PCDHGA6: variants seen among roughly 807,000 people sequenced by gnomAD.
PCDHGA6 encodes the protein protocadherin gamma subfamily A, 6.
A neutral mutation model predicts 60.6 loss-of-function variants in PCDHGA6; 41 were observed. The observed-to-expected ratio is 0.68, with a 90% CI of 0.53 to 0.88. The LOEUF (loss-of-function observed/expected upper bound fraction) is 0.88, where lower values mean the gene tolerates loss of function less well. Among genes scored for constraint, PCDHGA6 ranks in the 40% least tolerant of loss-of-function variants. PCDHGA6 has a pLI of 0.00. For missense variants in PCDHGA6, 1,312 were observed against 1,203.0 expected, an observed-to-expected ratio of 1.09 and a Z score of -1.34; for synonymous variants, 594 against 524.4, an observed-to-expected ratio of 1.13 and a Z score of -1.81.
At chr5:141,392,957 C>T in intron 1 of PCDHGA6, 1 of 1,613,932 alleles carries the variant, frequency 6.2e-7, no homozygotes, top group Non-Finnish European at 8.5e-7. Flanking sequence ...TGGGTAATAT[C>T]TCCAAGGACC....
chr5:141,487,857 T>A lies in PCDHGA6; in HGVS notation c.2425-6950T>A. Reference sequence around the variant, plus strand: ...TATCTGAGTAAGAAATGAAAGTAATTGGTGATCAAGAGCCAGGCTGTTGTG... The same window carrying A: ...TATCTGAGTAAGAAATGAAAGTAATAGGTGATCAAGAGCCAGGCTGTTGTG... On this transcript the variant is annotated intron_variant, in intron 1 of 3. Coordinates refer to ENST00000517434, the MANE Select transcript of PCDHGA6 (RefSeq NM_018919.3). The surrounding 1 kb of genome is among the most constrained non-coding windows in gnomAD (Gnocchi z 5.0). The A allele has an allele frequency of 1.0e-6, 1 of 964,674 alleles. No individual in the cohort carries two copies. Among genetic ancestry groups the A allele is most frequent in the Non-Finnish European group, 1.5e-6 (1 of 659,920 alleles). 59.8% of individuals were successfully genotyped at this position (964,674 alleles called of 1,614,324 possible). A position where few individuals can be genotyped will look rare whatever the true frequency, so the allele number is the denominator to read the frequency against.
rs2099623857 is a variant in PCDHGA6, at chr5:141,486,060, A to ACC, written c.2425-8744_2425-8743dup. On this transcript the variant is annotated intron_variant, in intron 1 of 3. Transcript: ENST00000517434. This position sits in a 1 kb window ranked among gnomAD's most constrained non-coding sequence, Gnocchi z 5.0. Reference sequence around the variant, plus strand: ...CGTGTAAGAAACCTCTTTAGCCTGCACCCCACTACTGGAAAGCTTACTCTT... The same window carrying ACC: ...CGTGTAAGAAACCTCTTTAGCCTGCACCCCCCACTACTGGAAAGCTTACTCTT... The ACC allele has an allele frequency of 1.2e-6, 2 of 1,613,980 alleles. No homozygotes were observed. The highest frequency in any genetic ancestry group is 1.7e-6 in the Non-Finnish European group (2 of 1,179,980).
At chr5:141,391,562 C>T (rs927673920) in intron 1 of PCDHGA6, 2 of 152,064 alleles carry the variant, frequency 1.3e-5, no homozygotes, top group Non-Finnish European at 1.5e-5. Flanking sequence ...TTTCCATATG[C>T]ATAAGAAAAT....
intron 1 of PCDHGA6, chr5:141,384,772 G>A: frequency 6.2e-7 from 1 of 1,613,920 alleles, no homozygotes. Flanking sequence ...GTACACGGGC[G>A]AGGTGCGCAC....
At chr5:141,450,986 G>A (rs950903600) in intron 1 of PCDHGA6, among the ~76,000 whole-genome samples, 15 of 151,310 alleles carry the variant, frequency 9.9e-5, no homozygotes, top group Non-Finnish European at 1.3e-4. Context: ...CACCACACCC[G>A]GCTAATTTTT....
chr5:141,408,738 C>T, intron 1 of PCDHGA6: 2 of 1,609,632 alleles, frequency 1.2e-6, no homozygotes, highest in Non-Finnish European at 1.7e-6. Flanking sequence ...CCTTATTTTT[C>T]ATTAATGGTT....
chr5:141,429,105 C>A (rs936114624), intron 1 of PCDHGA6: 2 of 152,318 alleles, frequency 1.3e-5, no homozygotes, highest in African/African-American at 4.8e-5. Flanking sequence ...CTGCCCGCCT[C>A]GGCCTCCCAA....
chr5:141,417,701 C>T (rs1382264857), intron 1 of PCDHGA6: 1 of 1,192,516 alleles, frequency 8.4e-7, no homozygotes, highest in Admixed American at 3.0e-5. Flanking sequence ...CCAGCTCCCA[C>T]ACAGAGGCTC....
chr5:141,409,883 C>CGGGTGCTGTACCCAGCTCT, intron 1 of PCDHGA6: 1 of 1,612,988 alleles, frequency 6.2e-7, no homozygotes, highest in Non-Finnish European at 8.5e-7. Context: ...CAACGCACCG[C>CGGGTGCTGTACCCAGCTCT]GGGTGCTGTA....
At chr5:141,401,561 T>A (rs1436115390) in intron 1 of PCDHGA6, among the ~76,000 whole-genome samples, 1 of 152,230 alleles carries the variant, frequency 6.6e-6, no homozygotes, top group Non-Finnish European at 1.5e-5. Flanking sequence ...ATTGCCTGAA[T>A]TTCTCTTGCT....
chr5:141,475,867 G>A (rs2099377217), intron 1 of PCDHGA6: 1 of 504,884 alleles, frequency 2.0e-6, no homozygotes, highest in Non-Finnish European at 3.5e-6. Flanking sequence ...CTCATTCTTC[G>A]TGCAGTTATT....
chr5:141,438,595 T>TAC (rs2098000070), intron 1 of PCDHGA6, among the ~76,000 whole-genome samples: 6 of 58,022 alleles, frequency 1.0e-4, no homozygotes, highest in African/African-American at 1.8e-4. Context: ...TACATACATA[T>TAC]ATATATATAT....
At chr5:141,419,159 T>G in intron 1 of PCDHGA6, 1 of 1,613,916 alleles carries the variant, frequency 6.2e-7, no homozygotes, top group Non-Finnish European at 8.5e-7. Flanking sequence ...TCCGTTATCC[T>G]CCAGCAAAAC....
At chr5:141,463,610 G>A (rs189991450) in intron 1 of PCDHGA6, among the ~76,000 whole-genome samples, 2 of 151,672 alleles carry the variant, frequency 1.3e-5, no homozygotes, top group Admixed American at 6.6e-5. Flanking sequence ...CACCATGCCC[G>A]GCTAATTTTT....
intron 1 of PCDHGA6, chr5:141,403,207 C>G: frequency 6.2e-7 from 1 of 1,613,966 alleles, no homozygotes. Context: ...GCACCTTGGT[C>G]ACCGCGGGTA....
At chr5:141,484,866 C>T in intron 1 of PCDHGA6, 1 of 275,618 alleles carries the variant, frequency 3.6e-6, no homozygotes, top group Non-Finnish European at 6.8e-6. Flanking sequence ...GGTGGGGGAG[C>T]GTGGAGGATA....
Position 141,489,575 on chromosome 5 carries a change from AC to A in PCDHGA6, c.2425-5227del. On this transcript the variant is annotated intron_variant, in intron 1 of 3. Coordinates refer to ENST00000517434, the MANE Select transcript of PCDHGA6 (RefSeq NM_018919.3). This position sits in a 1 kb window ranked among gnomAD's most constrained non-coding sequence, Gnocchi z 4.5. ...CTGCCAGTGCAGGTGGTGACTGAAC[AC>A]CCCCTGGAGCTAATCCGTGTAGAGG... 1 of 1,613,788 alleles carries A rather than the reference AC, an allele frequency of 6.2e-7. No individual in the cohort carries two copies. Among genetic ancestry groups the A allele is most frequent in the Middle Eastern group, 1.6e-4 (1 of 6,062 alleles).
intron 1 of PCDHGA6, chr5:141,421,587 G>A: frequency 1.2e-6 from 2 of 1,613,900 alleles, no homozygotes; most frequent in South Asian, 1.1e-5. Context: ...TTTACGGAGT[G>A]GAGGTGGAAA....
rs1333951046 is a variant in PCDHGA6, at chr5:141,485,847, C to T, written c.2425-8960C>T. 10 of 1,614,092 alleles carry T rather than the reference C, an allele frequency of 6.2e-6. No individual in the cohort carries two copies. In the African/African-American group the frequency reaches 8.0e-5, roughly 13 times the overall value. On this transcript the variant is annotated intron_variant, in intron 1 of 3. Transcript: ENST00000517434. This position sits in a 1 kb window ranked among gnomAD's most constrained non-coding sequence, Gnocchi z 5.7. ...GGAGGGAACCCGCCGAGATCTGGCA[C>T]CGCAGAGCTCCGGGTATCCGTGCTG...
Sources: gnomAD v4.1 joint callset for allele counts (sites outside exome capture counted in the v4.1 genomes callset) on GRCh38, gnomAD v4.1.1 for gene constraint, Gnocchi (gnomAD v3.1) non-coding constraint, MANE v1.5 for transcripts, NCBI Gene and HGNC (gene_info 2026-07-23, HGNC 2026-07-21) for gene names.